COG5: variants seen among roughly 807,000 people sequenced by gnomAD.
COG5 encodes the protein component of oligomeric golgi complex 5.
In COG5, 86 loss-of-function variants were observed where a neutral mutation model predicts 110.4. That is an observed-to-expected ratio of 0.78 (90% CI 0.65 to 0.93). COG5 has a LOEUF of 0.93. Ranked by LOEUF, COG5 falls within the 40% of genes least tolerant of loss-of-function variation. The pLI is 0.00. For missense variants in COG5, 1,077 were observed against 987.0 expected, an observed-to-expected ratio of 1.09 and a Z score of -1.22; for synonymous variants, 360 against 334.6, an observed-to-expected ratio of 1.08 and a Z score of -0.83.
At chr7:107,292,807 G>A (rs776157454) in intron 12 of COG5, among the ~76,000 whole-genome samples, 3 of 152,186 alleles carry the variant, frequency 2.0e-5, no homozygotes, top group Non-Finnish European at 4.4e-5. Flanking sequence ...TGAGGCTCCA[G>A]AGGAAGGTCT....
At chr7:107,226,519 G>A (rs1173212168) in intron 19 of COG5, among the ~76,000 whole-genome samples, 2 of 152,162 alleles carry the variant, frequency 1.3e-5, no homozygotes, top group African/African-American at 4.8e-5. Context: ...TCCTCTCTAG[G>A]AAGGAATTTG....
At chr7:107,488,097 T>A (rs1177892771) in intron 6 of COG5, among the ~76,000 whole-genome samples, 4 of 152,048 alleles carry the variant, frequency 2.6e-5, no homozygotes, top group Admixed American at 2.0e-4. Flanking sequence ...ATTGAAAGCA[T>A]TATGACAGTA....
At chr7:107,251,592 A>AT (rs776119680) in intron 16 of COG5, among the ~76,000 whole-genome samples, 97 of 152,194 alleles carry the variant, frequency 6.4e-4, no homozygotes, top group Non-Finnish European at 1.2e-3. Flanking sequence ...GTAATTAGAA[A>AT]TTTTAAGAAC....
chr7:107,423,455 A>C (rs965174890), intron 6 of COG5, among the ~76,000 whole-genome samples: 1 of 152,308 alleles, frequency 6.6e-6, no homozygotes, highest in Non-Finnish European at 1.5e-5. Context: ...TGTAGTTTAA[A>C]ACATTCTGAA....
chr7:107,203,393 A>C lies in COG5; in HGVS notation c.*123T>G. Reference sequence around the variant, plus strand: ...AAAGAGGTAAATAAACGTCGATAGGAAATACCGAACAATCAATTACATTCT... The same window carrying C: ...AAAGAGGTAAATAAACGTCGATAGGCAATACCGAACAATCAATTACATTCT... On this transcript the variant is annotated 3_prime_UTR_variant, in exon 22 of 22. Transcript: ENST00000297135. 8 of 750,820 alleles carry C rather than the reference A, an allele frequency of 1.1e-5. No homozygotes were observed. The highest frequency in any genetic ancestry group is 1.7e-5 in the Non-Finnish European group (7 of 418,272). The allele number at this position is 750,820 out of a possible 1,614,324, so 46.5% of individuals were successfully genotyped here. A position where few individuals can be genotyped will look rare whatever the true frequency, so the allele number is the denominator to read the frequency against.
At chr7:107,297,512 G>T (rs946184643) in intron 12 of COG5, among the ~76,000 whole-genome samples, 13 of 132,684 alleles carry the variant, frequency 9.8e-5, no homozygotes, top group African/African-American at 3.5e-4. Context: ...GCAGTGACGT[G>T]ATCTCAGCTC....
chr7:107,459,946 A>T (rs1365139173), intron 6 of COG5, among the ~76,000 whole-genome samples: 2 of 152,350 alleles, frequency 1.3e-5, no homozygotes, highest in African/African-American at 4.8e-5. Flanking sequence ...TCAAGAGTAC[A>T]CAGCACAATC....
intron 12 of COG5, among the ~76,000 whole-genome samples, chr7:107,294,966 CATATATATATACACAT>C (rs1340760184): frequency 5.3e-4 from 66 of 125,432 alleles, no homozygotes; most frequent in Non-Finnish European, 9.4e-4. Flanking sequence ...TATATACACA[CATATATATATACACAT>C]ATATACACAC....
chr7:107,497,881 T>C (rs1242109287), intron 6 of COG5, among the ~76,000 whole-genome samples: 1 of 152,120 alleles, frequency 6.6e-6, no homozygotes, highest in Non-Finnish European at 1.5e-5. Flanking sequence ...CATACTTCTT[T>C]ATATATACAT....
intron 6 of COG5, among the ~76,000 whole-genome samples, chr7:107,499,833 G>C (rs1798525060): frequency 6.6e-6 from 1 of 152,088 alleles, no homozygotes; most frequent in South Asian, 2.1e-4. Flanking sequence ...CTAACCTCCA[G>C]CTCTAATTCC....
intron 7 of COG5, among the ~76,000 whole-genome samples, chr7:107,404,721 A>T (rs1277967682): frequency 1.3e-5 from 2 of 152,036 alleles, no homozygotes; most frequent in East Asian, 3.9e-4. Flanking sequence ...TCAACAAGAT[A>T]AGGTTCTAAG....
At chr7:107,492,914 G>A (rs543428144) in intron 6 of COG5, among the ~76,000 whole-genome samples, 1 of 152,212 alleles carries the variant, frequency 6.6e-6, no homozygotes, top group Non-Finnish European at 1.5e-5. Context: ...CTGATTTGAA[G>A]TCAGAAAAAA....
chr7:107,260,208 T>C (rs1338399619), intron 14 of COG5, among the ~76,000 whole-genome samples: 2 of 152,036 alleles, frequency 1.3e-5, no homozygotes, highest in Admixed American at 6.6e-5. Flanking sequence ...AAATAAAATG[T>C]AGAATATCCA....
intron 21 of COG5, chr7:107,208,121 A>G: frequency 1.0e-6 from 1 of 985,462 alleles, no homozygotes; most frequent in Non-Finnish European, 1.2e-6. Flanking sequence ...CTAGGACAAA[A>G]GTCCCCTCCT....
At chr7:107,349,073 T>C (rs1811894044) in intron 10 of COG5, among the ~76,000 whole-genome samples, 1 of 152,334 alleles carries the variant, frequency 6.6e-6, no homozygotes, top group South Asian at 2.1e-4. Flanking sequence ...GATTGTACAT[T>C]GTTAATATAT....
At chr7:107,211,010 C>A in intron 20 of COG5, 89 bp downstream of exon 20, 1 of 1,452,874 alleles carries the variant, frequency 6.9e-7, no homozygotes, top group Middle Eastern at 1.7e-4. Context: ...CAGCAGAGGG[C>A]CAGGAATCAT....
chr7:107,535,354 C>A (rs1401845095), intron 5 of COG5, among the ~76,000 whole-genome samples: 1 of 151,016 alleles, frequency 6.6e-6, no homozygotes, highest in Non-Finnish European at 1.5e-5. Context: ...AAAAACCCTT[C>A]AAAAAAAATC....
intron 6 of COG5, among the ~76,000 whole-genome samples, chr7:107,513,750 G>C (rs894671803): frequency 1.1e-4 from 16 of 152,164 alleles, no homozygotes. Context: ...CCTTTGTAGG[G>C]ACATGGATGA....
At chr7:107,347,842 G>C (rs537468628) in intron 10 of COG5, among the ~76,000 whole-genome samples, 1 of 151,954 alleles carries the variant, frequency 6.6e-6, no homozygotes, top group South Asian at 2.1e-4. Flanking sequence ...AAAGGGCATC[G>C]AAGGCCAGGC....
Sources: gnomAD v4.1 joint callset for allele counts (sites outside exome capture counted in the v4.1 genomes callset) on GRCh38, gnomAD v4.1.1 for gene constraint, MANE v1.5 for transcripts, NCBI Gene and HGNC (gene_info 2026-07-23, HGNC 2026-07-21) for gene names.